PDE4D: variants seen among roughly 807,000 people sequenced by gnomAD.
PDE4D encodes the protein 3',5'-cyclic-AMP phosphodiesterase 4D.
PDE4D carries 24 observed loss-of-function variants against 87.4 expected under a neutral mutation model. That is an observed-to-expected ratio of 0.27 (90% CI 0.20 to 0.39). The LOEUF (loss-of-function observed/expected upper bound fraction) is 0.39. Among genes scored for constraint, PDE4D ranks in the 10% least tolerant of loss-of-function variants. The pLI is 1.00. For missense variants in PDE4D, 714 were observed against 1,041.0 expected (o/e 0.69, Z 4.32); for synonymous variants, 384 against 383.2 (o/e 1.00, Z -0.02).
chr5:60,368,613 C>T (rs1760754059), intron 1 of PDE4D, among the ~76,000 whole-genome samples: 1 of 152,148 alleles, frequency 6.6e-6, no homozygotes, highest in African/African-American at 2.4e-5. Context: ...TACGGTTTGG[C>T]TCTATGTCCC....
chr5:59,333,446 A>G (rs1777095251), intron 1 of PDE4D, among the ~76,000 whole-genome samples: 1 of 152,176 alleles, frequency 6.6e-6, no homozygotes, highest in Admixed American at 6.5e-5. Context: ...CTTGGGAAGG[A>G]AGAAGGCATA....
Position 60,292,771 on chromosome 5 carries a change from T to C in PDE4D, c.-89-107084A>G, listed in dbSNP as rs569817942. ...CAACAAAAGATATTGCAGAGACTGG[T>C]ACTGTCAACGAATTGAGTAATACCA... On this transcript the variant is annotated intron_variant, in intron 1 of 16. Coordinates refer to the PDE4D transcript ENST00000502484. Among the ~76,000 whole-genome samples the C allele has an allele frequency of 2.0e-5, 3 of 152,310 alleles. No homozygotes were observed. The South Asian group carries it at 6.2e-4, about 32-fold the overall frequency.
intron 1 of PDE4D, among the ~76,000 whole-genome samples, chr5:59,267,142 A>G (rs1036906725): frequency 3.3e-5 from 5 of 152,080 alleles, no homozygotes; most frequent in African/African-American, 4.8e-5. Flanking sequence ...TTGCTATTCT[A>G]TAACAAAGTT....
intron 3 of PDE4D, among the ~76,000 whole-genome samples, chr5:59,931,694 CTTT>C (rs35943138): frequency 3.2e-5 from 4 of 126,576 alleles, no homozygotes; most frequent in East Asian, 2.3e-4. Context: ...TCTTCTTCTT[CTTT>C]TTTTTTTTTT....
At chr5:59,525,575 A>G (rs767982846) in intron 1 of PDE4D, among the ~76,000 whole-genome samples, 3 of 152,186 alleles carry the variant, frequency 2.0e-5, no homozygotes, top group Non-Finnish European at 4.4e-5. Flanking sequence ...GACTCTTGGG[A>G]AGGCATAATT....
intron 1 of PDE4D, among the ~76,000 whole-genome samples, chr5:59,581,420 G>A (rs1178989511): frequency 6.6e-6 from 1 of 152,032 alleles, no homozygotes; most frequent in African/African-American, 2.4e-5. Flanking sequence ...AAAAAGGAGT[G>A]GAAAGTGAAG....
At chr5:59,321,266 G>A (rs1389874962) in intron 1 of PDE4D, among the ~76,000 whole-genome samples, 2 of 152,006 alleles carry the variant, frequency 1.3e-5, no homozygotes, top group African/African-American at 2.4e-5. Context: ...CCCTGAGATG[G>A]CATTCTTGGA....
chr5:60,308,840 A>C (rs1754740190), intron 1 of PDE4D, among the ~76,000 whole-genome samples: 1 of 152,108 alleles, frequency 6.6e-6, no homozygotes, highest in African/African-American at 2.4e-5. Context: ...CCTGGCTCCC[A>C]ATCTTTTTTC....
intron 2 of PDE4D, among the ~76,000 whole-genome samples, chr5:60,148,680 C>T (rs1169522374): frequency 6.6e-6 from 1 of 152,194 alleles, no homozygotes; most frequent in Non-Finnish European, 1.5e-5. Flanking sequence ...AGTTAACCTT[C>T]ATCTTGCAAT....
At chr5:60,119,034 A>G (rs1778423735) in intron 2 of PDE4D, among the ~76,000 whole-genome samples, 1 of 152,164 alleles carries the variant, frequency 6.6e-6, no homozygotes, top group African/African-American at 2.4e-5. Context: ...TTCCTGAAAC[A>G]TGGTCTGAAG....
intron 1 of PDE4D, among the ~76,000 whole-genome samples, chr5:59,601,448 T>C (rs1303265358): frequency 6.6e-6 from 1 of 151,684 alleles, no homozygotes; most frequent in African/African-American, 2.4e-5. Flanking sequence ...TATGTCTGAA[T>C]GGCACCCTAT....
At chr5:60,127,826 G>A (rs1405552483) in intron 2 of PDE4D, 6 of 443,038 alleles carry the variant, frequency 1.4e-5, no homozygotes, top group Admixed American at 7.9e-5. Flanking sequence ...ACAAATTGGC[G>A]AGTCCTTAGT....
At chr5:59,434,211 G>C (rs2153633100) in intron 1 of PDE4D, among the ~76,000 whole-genome samples, 1 of 18,458 alleles carries the variant, frequency 5.4e-5, no homozygotes, top group South Asian at 3.2e-3. Context: ...TCATCTTTAG[G>C]ATGTTCCTAA....
At chr5:60,490,516 C>T (rs1469079966), upstream of PDE4D, 5 of 152,182 alleles carry the variant, frequency 3.3e-5, no homozygotes, top group African/African-American at 1.2e-4. Context: ...ATTACTAATG[C>T]ACCACGTCAG....
intron 1 of PDE4D, among the ~76,000 whole-genome samples, chr5:59,309,051 C>T (rs2153564816): frequency 6.6e-6 from 1 of 152,230 alleles, no homozygotes; most frequent in African/African-American, 2.4e-5. Context: ...ACAGGCCTCA[C>T]TCTGCTTCCA....
At chr5:60,235,214 A>C (rs1418500867) in intron 1 of PDE4D, among the ~76,000 whole-genome samples, 1 of 151,796 alleles carries the variant, frequency 6.6e-6, no homozygotes, top group East Asian at 1.9e-4. Flanking sequence ...TGCTGACTAA[A>C]CCTCTAGGAC....
chr5:60,094,408 T>A (rs1775451002), intron 2 of PDE4D, among the ~76,000 whole-genome samples: 1 of 152,204 alleles, frequency 6.6e-6, no homozygotes, highest in South Asian at 2.1e-4. Context: ...CTAAAAATAC[T>A]TCTATTTAAA....
At chr5:60,123,205 A>G (rs186751363) in intron 2 of PDE4D, among the ~76,000 whole-genome samples, 3 of 152,142 alleles carry the variant, frequency 2.0e-5, no homozygotes, top group South Asian at 4.2e-4. Flanking sequence ...AACTGTTTCA[A>G]CCTCTGCCTG....
chr5:60,492,194 A>G (rs991338801), upstream of PDE4D, among the ~76,000 whole-genome samples: 1 of 152,012 alleles, frequency 6.6e-6, no homozygotes, highest in Admixed American at 6.6e-5. Flanking sequence ...CCAGCCCTTT[A>G]GAAGGCCAAG....
Sources: gnomAD v4.1 joint callset for allele counts (sites outside exome capture counted in the v4.1 genomes callset) on GRCh38, gnomAD v4.1.1 for gene constraint, MANE v1.5 for transcripts, NCBI Gene and HGNC (gene_info 2026-07-23, HGNC 2026-07-21) for gene names.